NALF1: variants seen among roughly 807,000 people sequenced by gnomAD.
The protein encoded by NALF1 is NALCN channel auxiliary factor 1.
Under a neutral mutation model 48.4 loss-of-function variants are expected in NALF1, and 3 were observed. The ratio of observed to expected loss-of-function variants is 0.06; its 90% CI spans 0.03 to 0.16. The LOEUF (loss-of-function observed/expected upper bound fraction) is 0.16, where lower values mean the gene tolerates loss of function less well. Among genes scored for constraint, NALF1 ranks in the 10% least tolerant of loss-of-function variants. The pLI, the probability that NALF1 is intolerant of heterozygous loss-of-function variation, is 1.00. For missense variants in NALF1, 526 were observed against 571.5 expected (o/e 0.92, Z 0.81); for synonymous variants, 262 against 245.7 (o/e 1.07, Z -0.62).
chr13:107,270,452 T>C (rs76983506), intron 1 of NALF1, among the ~76,000 whole-genome samples: 21,595 of 152,006 alleles, frequency 0.14, 2,266 homozygotes, highest in East Asian at 0.38. Context: ...ATGAAGTTAA[T>C]AAAAATTATG....
intron 1 of NALF1, among the ~76,000 whole-genome samples, chr13:107,703,010 T>A (rs9559138): frequency 1.6e-4 from 25 of 152,292 alleles, no homozygotes; most frequent in African/African-American, 6.0e-4. Flanking sequence ...TGAACATATG[T>A]GTGCATGTAT....
intron 1 of NALF1, among the ~76,000 whole-genome samples, chr13:107,213,981 A>C (rs1287844545): frequency 6.6e-6 from 1 of 152,192 alleles, no homozygotes; most frequent in Non-Finnish European, 1.5e-5. Context: ...GAGAAAAAAC[A>C]AACAGGTAGC....
intron 1 of NALF1, among the ~76,000 whole-genome samples, chr13:107,837,465 A>C (rs1879928094): frequency 6.6e-6 from 1 of 151,630 alleles, no homozygotes; most frequent in Non-Finnish European, 1.5e-5. Context: ...CATTCATACC[A>C]CCTCCCACTA....
chr13:107,224,687 T>A (rs1051507597), intron 1 of NALF1, among the ~76,000 whole-genome samples: 2 of 152,094 alleles, frequency 1.3e-5, no homozygotes, highest in Non-Finnish European at 2.9e-5. Flanking sequence ...TGCAAATATA[T>A]CAAGGCTCAA....
At chr13:107,204,902 A>G (rs1440732227) in intron 2 of NALF1, among the ~76,000 whole-genome samples, 4 of 96,706 alleles carry the variant, frequency 4.1e-5, no homozygotes, top group Non-Finnish European at 8.7e-5. Context: ...ACGCATACGC[A>G]GGGGAAAATA....
At chr13:107,755,276 T>C (rs955334138) in intron 1 of NALF1, among the ~76,000 whole-genome samples, 4 of 152,052 alleles carry the variant, frequency 2.6e-5, no homozygotes, top group Non-Finnish European at 5.9e-5. Context: ...AGAAGGCACA[T>C]CTTCAAATTA....
intron 1 of NALF1, among the ~76,000 whole-genome samples, chr13:107,776,692 G>A (rs1036747863): frequency 4.6e-5 from 7 of 152,286 alleles, no homozygotes; most frequent in South Asian, 2.1e-4. Flanking sequence ...ACAGATTTTA[G>A]GATGTACAAA....
chr13:107,511,308 T>C (rs1875882969), intron 1 of NALF1, among the ~76,000 whole-genome samples: 1 of 152,180 alleles, frequency 6.6e-6, no homozygotes, highest in Non-Finnish European at 1.5e-5. Flanking sequence ...GGCTTTAAAA[T>C]ATATGACATG....
At chr13:107,650,347 A>G (rs1880421039) in intron 1 of NALF1, among the ~76,000 whole-genome samples, 1 of 142,256 alleles carries the variant, frequency 7.0e-6, no homozygotes, top group Non-Finnish European at 1.5e-5. Flanking sequence ...GCAAAATCAG[A>G]TGTTCTTGGC....
At chr13:107,201,606 T>A (rs1464049038) in intron 2 of NALF1, among the ~76,000 whole-genome samples, 1 of 151,856 alleles carries the variant, frequency 6.6e-6, no homozygotes, top group Non-Finnish European at 1.5e-5. Context: ...GAAAAAAAAA[T>A]GACCTCTATG....
intron 1 of NALF1, among the ~76,000 whole-genome samples, chr13:107,818,871 CAAAAAAAA>C (rs774372636): frequency 5.4e-5 from 4 of 73,814 alleles, no homozygotes; most frequent in South Asian, 5.1e-4. Flanking sequence ...GACTCCGTCT[CAAAAAAAA>C]AAAAAAAAAA....
At chr13:107,590,116 T>C (rs1430229186) in intron 1 of NALF1, among the ~76,000 whole-genome samples, 1 of 152,046 alleles carries the variant, frequency 6.6e-6, no homozygotes, top group Non-Finnish European at 1.5e-5. Flanking sequence ...TAGTGAAAAG[T>C]ACCACCATCA....
chr13:107,402,812 A>T (rs570824585), intron 1 of NALF1, among the ~76,000 whole-genome samples: 1 of 152,226 alleles, frequency 6.6e-6, no homozygotes, highest in East Asian at 1.9e-4. Context: ...ATATGAACTG[A>T]CCATATGTTC....
intron 1 of NALF1, among the ~76,000 whole-genome samples, chr13:107,752,478 T>C (rs1876967407): frequency 6.6e-6 from 1 of 152,074 alleles, no homozygotes; most frequent in South Asian, 2.1e-4. Flanking sequence ...GATAAATGGA[T>C]AGAACAAAAT....
At chr13:107,680,732 AGT>A (rs1436628378) in intron 1 of NALF1, among the ~76,000 whole-genome samples, 13 of 101,088 alleles carry the variant, frequency 1.3e-4, no homozygotes, top group Non-Finnish European at 8.5e-5. Flanking sequence ...AGAGTGTATG[AGT>A]GTGAATGTGC....
chr13:107,186,429 A>T (rs1319828265), intron 2 of NALF1, among the ~76,000 whole-genome samples: 1 of 152,116 alleles, frequency 6.6e-6, no homozygotes, highest in Non-Finnish European at 1.5e-5. Context: ...ATGCAGTGGC[A>T]TGATCGCGGC....
rs188869879 is a variant in NALF1 at position 107,163,736 on chromosome 13, A to G, written c.*6761T>C. The G allele has an allele frequency of 3.6e-4, 55 of 152,296 alleles. No individual in the cohort carries two copies. The highest frequency in any genetic ancestry group is 1.2e-3 in the African/African-American group (49 of 41,566). The allele number at this position is 152,296 out of a possible 1,614,324, so 9.4% of individuals were successfully genotyped here. A position where few individuals can be genotyped will look rare whatever the true frequency, so the allele number is the denominator to read the frequency against. ...AAAAACAATTTAAAAATAATACATG[A>G]GTTTATACAGTCCTTCCTACTTTTA... On this transcript the variant is annotated 3_prime_UTR_variant, in exon 3 of 3. Transcript: ENST00000375915.
chr13:107,507,316 A>G (rs976440468), intron 1 of NALF1, among the ~76,000 whole-genome samples: 18 of 152,088 alleles, frequency 1.2e-4, no homozygotes, highest in Non-Finnish European at 2.4e-4. Flanking sequence ...ATCTAGCAGG[A>G]AGATAGGGCT....
At chr13:107,424,738 T>A (rs902785761) in intron 1 of NALF1, among the ~76,000 whole-genome samples, 4 of 152,198 alleles carry the variant, frequency 2.6e-5, no homozygotes, top group Non-Finnish European at 5.9e-5. Flanking sequence ...TTGATATTTA[T>A]CATCTACTAC....
Sources: gnomAD v4.1 joint callset for allele counts (sites outside exome capture counted in the v4.1 genomes callset) on GRCh38, gnomAD v4.1.1 for gene constraint, MANE v1.5 for transcripts, NCBI Gene and HGNC (gene_info 2026-07-23, HGNC 2026-07-21) for gene names.